Variants in HYDIN observed in about 807,000 individuals in gnomAD.
HYDIN encodes the protein HYDIN axonemal central pair apparatus protein, also known as axonemal central pair apparatus protein HYDIN.
HYDIN carries 132 observed loss-of-function variants against 403.9 expected under a neutral mutation model. The ratio of observed to expected loss-of-function variants is 0.33; its 90% confidence interval spans 0.28 to 0.38. The LOEUF (loss-of-function observed/expected upper bound fraction) is 0.38, where lower values mean the gene tolerates loss of function less well. HYDIN is among the 10% of genes least tolerant of loss of function. The pLI, the probability that HYDIN is intolerant of heterozygous loss-of-function variation, is 1.00. For synonymous variants in HYDIN, 1,202 were observed against 1,891.7 expected, an observed-to-expected ratio of 0.64 and a Z score of 9.46; for missense variants, 2,827 against 5,009.5, an observed-to-expected ratio of 0.56 and a Z score of 13.15.
chr16:71,151,084 G>T, intron 7 of HYDIN, among the ~76,000 whole-genome samples: 1 of 152,128 alleles, frequency 6.6e-6, no homozygotes, highest in East Asian at 1.9e-4. Context: ...CTCATGCCTT[G>T]CTGGTGGGAA....
chr16:71,190,898 T>C (rs2087402620), intron 1 of HYDIN, among the ~76,000 whole-genome samples: 1 of 152,028 alleles, frequency 6.6e-6, no homozygotes, highest in South Asian at 2.1e-4. Context: ...ATACAATTAA[T>C]CTAAATCCAG....
chr16:71,188,190 T>C (rs945332436), intron 1 of HYDIN, among the ~76,000 whole-genome samples: 1 of 152,188 alleles, frequency 6.6e-6, no homozygotes, highest in South Asian at 2.1e-4. Flanking sequence ...CCCTAGGTTT[T>C]TGCTATGTTG....
At chr16:70,915,164 G>C (rs2076800292) in intron 47 of HYDIN, among the ~76,000 whole-genome samples, 2 of 151,716 alleles carry the variant, frequency 1.3e-5, no homozygotes, top group African/African-American at 4.8e-5. Flanking sequence ...TTCTTGGTTT[G>C]AATCCATTGC....
chr16:71,179,897 C>T (rs912598030), intron 3 of HYDIN, among the ~76,000 whole-genome samples: 8 of 152,196 alleles, frequency 5.3e-5, no homozygotes, highest in Admixed American at 4.6e-4. Context: ...CAATGATGCC[C>T]TGTGAGTTCA....
intron 58 of HYDIN, among the ~76,000 whole-genome samples, chr16:70,888,045 A>C (rs1209012593): frequency 6.6e-6 from 1 of 152,070 alleles, no homozygotes; most frequent in Non-Finnish European, 1.5e-5. Context: ...TTGAGTTCTA[A>C]ATTTGTTTAT....
At position 70,974,472 on chromosome 16, in the gene HYDIN, T is replaced by A. The variant is rs1324070050; in HGVS notation, c.4909+62A>T. On this transcript the variant is annotated intron_variant, in intron 32 of 85. Transcript: ENST00000393567. Reference sequence around the variant, plus strand: ...AAAAGCTGCTCCAGGAGGACAGTACTGATGGGTTCCTTGAGAGAAATGACC... The same window carrying A: ...AAAAGCTGCTCCAGGAGGACAGTACAGATGGGTTCCTTGAGAGAAATGACC... 75 of 1,417,878 alleles carry A rather than the reference T, an allele frequency of 5.3e-5. 3 individuals are homozygous for A. In the East Asian group the frequency reaches 1.6e-3, roughly 31 times the overall value. The allele number at this position is 1,417,878 out of a possible 1,614,324, so 87.8% of individuals were successfully genotyped here.
chr16:70,802,124 T>C lies in HYDIN; in HGVS notation c.*5456A>G, dbSNP rs1266605518. 4 of 152,194 alleles carry C rather than the reference T, an allele frequency of 2.6e-5. No homozygotes were observed. Among genetic ancestry groups the C allele is most frequent in the African/African-American group, 7.2e-5 (3 of 41,436 alleles). 9.4% of individuals were successfully genotyped at this position (152,194 alleles called of 1,614,324 possible). ...CTTTAATGAATGAAAAGTGCATATA[T>C]AGGCCTTATAACAGTCTTGAAAATG... On this transcript the variant is annotated 3_prime_UTR_variant, in exon 86 of 86. Transcript: ENST00000393567.
chr16:71,156,281 A>G (rs1322738978), intron 6 of HYDIN, among the ~76,000 whole-genome samples: 1 of 152,182 alleles, frequency 6.6e-6, no homozygotes, highest in Non-Finnish European at 1.5e-5. Context: ...AAACTTCTTC[A>G]GTAGTTATAA....
intron 1 of HYDIN, among the ~76,000 whole-genome samples, chr16:71,229,099 C>T (rs1251413858): frequency 7.3e-6 from 1 of 136,232 alleles, no homozygotes. Context: ...AGGTGGGCAA[C>T]GAACAATGAG....
At chr16:71,020,087 T>A in intron 22 of HYDIN, 87 bp downstream of exon 22, 1 of 1,194,428 alleles carries the variant, frequency 8.4e-7, no homozygotes, top group Non-Finnish European at 1.2e-6. Flanking sequence ...GAGCTGAAGT[T>A]GGGTGGTGTA....
intron 1 of HYDIN, among the ~76,000 whole-genome samples, chr16:71,214,520 G>C (rs1039621661): frequency 1.3e-5 from 2 of 152,148 alleles, no homozygotes; most frequent in African/African-American, 2.4e-5. Flanking sequence ...CCCACCAATA[G>C]CTTCCCACAG....
intron 45 of HYDIN, among the ~76,000 whole-genome samples, chr16:70,932,147 G>A (rs1172906285): frequency 1.4e-5 from 2 of 147,700 alleles, no homozygotes; most frequent in Non-Finnish European, 3.0e-5. Context: ...CTGAGGTCAG[G>A]AGTTCGAGAC....
intron 1 of HYDIN, among the ~76,000 whole-genome samples, chr16:71,224,797 G>A (rs922927791): frequency 1.5e-4 from 23 of 152,032 alleles, no homozygotes; most frequent in African/African-American, 7.2e-5. Flanking sequence ...TCCTGACCTC[G>A]TGATCCGCCC....
chr16:70,932,609 CGTTT>C (rs1199527167), intron 45 of HYDIN, among the ~76,000 whole-genome samples: 1 of 151,352 alleles, frequency 6.6e-6, no homozygotes, highest in African/African-American at 2.4e-5. Context: ...TGTTGGTTTT[CGTTT>C]GTTTGTTTTG....
At chr16:70,897,392 T>C (rs2076236639) in intron 53 of HYDIN, among the ~76,000 whole-genome samples, 1 of 152,190 alleles carries the variant, frequency 6.6e-6, no homozygotes, top group Non-Finnish European at 1.5e-5. Flanking sequence ...AATTTGCAGC[T>C]GTCACCAAAC....
chr16:71,080,151 G>T, intron 12 of HYDIN, 199 bp from the exon 13 acceptor site: 1 of 437,656 alleles, frequency 2.3e-6, no homozygotes, highest in Non-Finnish European at 4.1e-6. Flanking sequence ...CAAACCATGG[G>T]TTTTGACAAA....
chr16:71,019,519 G>T (rs1174803443), intron 22 of HYDIN, among the ~76,000 whole-genome samples: 2 of 152,308 alleles, frequency 1.3e-5, no homozygotes, highest in African/African-American at 4.8e-5. Flanking sequence ...GGCACAAGGG[G>T]CTGGGCATAA....
chr16:70,930,337 C>T lies in HYDIN; in HGVS notation c.7158+5615G>A, dbSNP rs554780744. 9.2e-5 allele frequency among the ~76,000 whole-genome samples: 14 copies of T among 152,244 alleles called. 1 individual carries two copies. The highest frequency in any genetic ancestry group is 2.4e-4 in the African/African-American group (10 of 41,552). On this transcript the variant is annotated intron_variant, in intron 45 of 85. Transcript: ENST00000393567. ...CTCTACTAAAAATACAAAAATTAGC[C>T]GGGCATGGTGGCACACGTCTGCAGT...
chr16:71,179,589 T>A (rs934060826), intron 3 of HYDIN, among the ~76,000 whole-genome samples: 1 of 152,248 alleles, frequency 6.6e-6, no homozygotes, highest in Non-Finnish European at 1.5e-5. Context: ...ATTCTCATCA[T>A]ACAAAACAAT....
Sources: allele counts gnomAD v4.1 joint callset (sites outside exome capture counted in the v4.1 genomes callset), GRCh38; gene constraint gnomAD v4.1.1; transcripts MANE v1.5; gene names NCBI Gene and HGNC (gene_info 2026-07-23, HGNC 2026-07-21).